Variants in CPEB3 observed in about 807,000 individuals in gnomAD.
CPEB3 encodes the protein cytoplasmic polyadenylation element binding protein 3, also known as cytoplasmic polyadenylation element-binding protein 3.
A neutral mutation model predicts 67.2 loss-of-function variants in CPEB3; 20 were observed. That is an observed-to-expected ratio of 0.30 (90% CI 0.21 to 0.43). The LOEUF (loss-of-function observed/expected upper bound fraction) is 0.43. Ranked by LOEUF, CPEB3 falls within the 20% of genes least tolerant of loss-of-function variation. The pLI, the probability that CPEB3 is intolerant of heterozygous loss-of-function variation, is 1.00. For synonymous variants in CPEB3, 376 were observed against 393.1 expected, an observed-to-expected ratio of 0.96 and a Z score of 0.51; for missense variants, 746 against 968.6, an observed-to-expected ratio of 0.77 and a Z score of 3.05.
chr10:92,120,801 A>G (rs1042922021), intron 6 of CPEB3, among the ~76,000 whole-genome samples: 2 of 151,880 alleles, frequency 1.3e-5, no homozygotes. Flanking sequence ...CCTGGGTTCA[A>G]GTGATACTCC....
chr10:92,101,953 A>C (rs534079827), intron 7 of CPEB3, among the ~76,000 whole-genome samples: 1 of 152,242 alleles, frequency 6.6e-6, no homozygotes, highest in African/African-American at 2.4e-5. Context: ...AGGCATCTTT[A>C]TCTCTTCCAT....
intron 2 of CPEB3, among the ~76,000 whole-genome samples, chr10:92,203,604 G>A (rs1404241566): frequency 6.6e-6 from 1 of 151,078 alleles, no homozygotes; most frequent in African/African-American, 2.4e-5. Flanking sequence ...TTTTAGTACA[G>A]ACGAGGTTTC....
chr10:92,192,783 T>C, intron 2 of CPEB3, 147 bp from the exon 3 acceptor site: 1 of 568,816 alleles, frequency 1.8e-6, no homozygotes, highest in Non-Finnish European at 2.9e-6. Context: ...TATTTGTTTA[T>C]TTATTTATTT....
chr10:92,286,060 C>T (rs919744399), intron 1 of CPEB3, among the ~76,000 whole-genome samples: 6 of 151,706 alleles, frequency 4.0e-5, no homozygotes, highest in African/African-American at 7.3e-5. Flanking sequence ...CTTGGCCTCC[C>T]GAGTAGCTGG....
chr10:92,094,783 A>G (rs929646809), intron 7 of CPEB3, among the ~76,000 whole-genome samples: 25 of 151,150 alleles, frequency 1.7e-4, no homozygotes, highest in Admixed American at 1.5e-3. Context: ...TAATTTCCTG[A>G]CACTGTGAGA....
At chr10:92,095,600 A>ATATATAT (rs377039483) in intron 7 of CPEB3, among the ~76,000 whole-genome samples, 6 of 123,098 alleles carry the variant, frequency 4.9e-5, no homozygotes, top group East Asian at 4.6e-4. Flanking sequence ...ATATATATAT[A>ATATATAT]TTTTTTTTTT....
At chr10:92,156,868 A>T (rs2133922059) in intron 4 of CPEB3, among the ~76,000 whole-genome samples, 1 of 152,342 alleles carries the variant, frequency 6.6e-6, no homozygotes, top group Non-Finnish European at 1.5e-5. Flanking sequence ...TCATTCAACA[A>T]ATATTTGCTG....
intron 6 of CPEB3, among the ~76,000 whole-genome samples, chr10:92,117,889 A>G (rs777942479): frequency 2.5e-4 from 38 of 152,156 alleles, no homozygotes; most frequent in Non-Finnish European, 5.0e-4. Flanking sequence ...CAGTAACTCT[A>G]TGAGGTAAAT....
chr10:92,265,240 G>GA (rs1853001290), intron 1 of CPEB3, among the ~76,000 whole-genome samples: 1 of 152,040 alleles, frequency 6.6e-6, no homozygotes, highest in Admixed American at 6.6e-5. Context: ...TGGTTGTTGG[G>GA]CCTTTTACCT....
Position 92,050,925 on chromosome 10 carries a change from A to G in CPEB3, c.*1287T>C. The G allele has an allele frequency of 6.6e-6, 1 of 152,668 alleles. No individual in the cohort carries two copies. Among genetic ancestry groups the G allele is most frequent in the Non-Finnish European group, 1.5e-5 (1 of 68,052 alleles). 9.5% of individuals were successfully genotyped at this position (152,668 alleles called of 1,614,324 possible). A position where few individuals can be genotyped will look rare whatever the true frequency, so the allele number is the denominator to read the frequency against. On this transcript the variant is annotated 3_prime_UTR_variant, in exon 10 of 10. Coordinates refer to ENST00000265997, the MANE Select transcript of CPEB3 (RefSeq NM_014912.5). ...ACTAAGAGCTCATGTGTTAGTTTAT[A>G]ATATATCAGTTATGAACTGTCAAGT...
At chr10:92,156,589 A>G (rs572910262) in intron 4 of CPEB3, among the ~76,000 whole-genome samples, 45 of 152,370 alleles carry the variant, frequency 3.0e-4, no homozygotes, top group African/African-American at 7.9e-4. Flanking sequence ...TCTATTTTCT[A>G]CATAAAACAG....
intron 1 of CPEB3, among the ~76,000 whole-genome samples, chr10:92,276,670 T>G (rs974856549): frequency 6.6e-5 from 10 of 152,222 alleles, no homozygotes; most frequent in Non-Finnish European, 1.0e-4. Flanking sequence ...AGTGTTTGTG[T>G]AGGCATATGT....
At chr10:92,053,544 C>CTTT (rs774865830) in intron 9 of CPEB3, among the ~76,000 whole-genome samples, 3 of 108,074 alleles carry the variant, frequency 2.8e-5, no homozygotes, top group Admixed American at 9.8e-5. Flanking sequence ...TTTTCTTTTT[C>CTTT]TTTTTTTTTT....
chr10:92,216,164 G>A (rs907886819), intron 2 of CPEB3, among the ~76,000 whole-genome samples: 1 of 151,112 alleles, frequency 6.6e-6, no homozygotes, highest in African/African-American at 2.4e-5. Context: ...ATGGCTGGGT[G>A]CAGTGGCTCA....
intron 3 of CPEB3, among the ~76,000 whole-genome samples, chr10:92,182,238 A>T (rs1429401677): frequency 6.6e-6 from 1 of 152,250 alleles, no homozygotes; most frequent in Admixed American, 6.5e-5. Flanking sequence ...AGCTGGAGAT[A>T]AGGTTAAAAT....
chr10:92,203,480 G>A (rs1590378038), intron 2 of CPEB3, among the ~76,000 whole-genome samples: 1 of 144,584 alleles, frequency 6.9e-6, no homozygotes. Flanking sequence ...GTATATATAT[G>A]TGTGTATATG....
At chr10:92,277,164 T>C (rs1030525041) in intron 1 of CPEB3, among the ~76,000 whole-genome samples, 2 of 152,344 alleles carry the variant, frequency 1.3e-5, no homozygotes, top group East Asian at 1.9e-4. Flanking sequence ...ATTTATCTAT[T>C]CTTTCTTTTG....
At chr10:92,089,079 T>C (rs1396247910) in intron 8 of CPEB3, among the ~76,000 whole-genome samples, 2 of 152,204 alleles carry the variant, frequency 1.3e-5, no homozygotes, top group Non-Finnish European at 2.9e-5. Context: ...AGTAATACAG[T>C]AGATGCTCAA....
chr10:92,101,983 T>C (rs191820386), intron 7 of CPEB3, among the ~76,000 whole-genome samples: 253 of 152,332 alleles, frequency 1.7e-3, no homozygotes, highest in Middle Eastern at 3.4e-3. Flanking sequence ...AGTTGGTTTA[T>C]TATTAATCAC....
Sources: gnomAD v4.1 joint callset for allele counts (sites outside exome capture counted in the v4.1 genomes callset) on GRCh38, gnomAD v4.1.1 for gene constraint, MANE v1.5 for transcripts, NCBI Gene and HGNC (gene_info 2026-07-23, HGNC 2026-07-21) for gene names.